Variants in CLSTN2 observed in about 807,000 individuals in gnomAD.
CLSTN2 encodes the protein calsyntenin 2.
CLSTN2 carries 48 observed loss-of-function variants against 101.2 expected under a neutral mutation model. The ratio of observed to expected loss-of-function variants is 0.47; its 90% confidence interval spans 0.38 to 0.60. CLSTN2 has a LOEUF of 0.60. Ranked by LOEUF, CLSTN2 falls within the 20% of genes least tolerant of loss-of-function variation. The pLI, the probability that CLSTN2 is intolerant of heterozygous loss-of-function variation, is 0.00. For synonymous variants in CLSTN2, 481 were observed against 463.6 expected, an observed-to-expected ratio of 1.04 and a Z score of -0.48; for missense variants, 1,160 against 1,238.2, an observed-to-expected ratio of 0.94 and a Z score of 0.95.
intron 2 of CLSTN2, among the ~76,000 whole-genome samples, chr3:140,387,852 TAATTGGGAGATAATG>T (rs2088070246): frequency 5.3e-5 from 8 of 152,250 alleles, no homozygotes; most frequent in Non-Finnish European, 8.8e-5. Context: ...TCCTTCTCCA[TAATTGGGAGATAATG>T]GAATGGTTGA....
At chr3:140,162,410 C>A (rs1196981931) in intron 1 of CLSTN2, among the ~76,000 whole-genome samples, 4 of 152,060 alleles carry the variant, frequency 2.6e-5, no homozygotes, top group African/African-American at 9.7e-5. Context: ...AGGAGAGGGA[C>A]TTAATTTAGT....
rs1036422454 is a variant in CLSTN2 at position 140,548,647 on chromosome 3, G to A, written c.1674+1966G>A. ...AAAGTGTGAGTGATGAGAGAGGGCT[G>A]AGGAATAGCACAGTATTCACTAGAA... On this transcript the variant is annotated intron_variant, in intron 10 of 16. Coordinates refer to ENST00000458420, the MANE Select transcript of CLSTN2 (RefSeq NM_022131.3). 6.6e-5 allele frequency among the ~76,000 whole-genome samples: 10 copies of A among 152,346 alleles called. No individual in the cohort carries two copies. In the East Asian group the frequency reaches 7.7e-4, roughly 12 times the overall value.
intron 8 of CLSTN2, among the ~76,000 whole-genome samples, chr3:140,531,589 G>A (rs1935255631): frequency 6.6e-6 from 1 of 152,104 alleles, no homozygotes; most frequent in African/African-American, 2.4e-5. Flanking sequence ...GGAGCGTGAA[G>A]GAGAGTCCAG....
intron 4 of CLSTN2, among the ~76,000 whole-genome samples, chr3:140,408,744 C>G (rs574203915): frequency 6.6e-6 from 1 of 152,330 alleles, no homozygotes; most frequent in East Asian, 1.9e-4. Flanking sequence ...AGGGAAGCCA[C>G]TACATGTATG....
chr3:140,001,486 T>C (rs548134393), intron 1 of CLSTN2, among the ~76,000 whole-genome samples: 25 of 152,212 alleles, frequency 1.6e-4, no homozygotes, highest in African/African-American at 5.8e-4. Context: ...TAAAAAACTT[T>C]TGTGAGTACA....
At position 140,490,008 on chromosome 3, in the gene CLSTN2, G is replaced by GTATATATATATA. The variant is rs1559884804; in HGVS notation, c.1344+23279_1344+23280insTATATATATATA. 1.2e-3 allele frequency among the ~76,000 whole-genome samples: 4 copies of GTATATATATATA among 3,228 alleles called. 1 individual carries two copies. Among genetic ancestry groups the GTATATATATATA allele is most frequent in the African/African-American group, 4.2e-3 (3 of 714 alleles). The allele number at this position is 3,228 out of a possible 152,430, so 2.1% of individuals were successfully genotyped here. ...TGGCAACAGACAAGAAAAAAAAGAA[G>GTATATATATATA]TACATGTGTGTGTGTGTGTGTGTGT... On this transcript the variant is annotated intron_variant, in intron 8 of 16. Coordinates refer to ENST00000458420, the MANE Select transcript of CLSTN2 (RefSeq NM_022131.3).
In CLSTN2 at chr3:140,308,021, T is replaced by C. The variant is rs550121306; in HGVS notation, c.233-95608T>C. On this transcript the variant is annotated intron_variant, in intron 2 of 16. Transcript: ENST00000458420. ...CAATAATGTAAAGTTGGCTCATGAA[T>C]GTGAAGGATGAACCACAGCACCTCC... is the stretch of plus-strand genomic sequence containing the variant. 5.9e-4 allele frequency among the ~76,000 whole-genome samples: 90 copies of C among 152,320 alleles called. No homozygotes were observed. In the Middle Eastern group the frequency reaches 0.017, roughly 29 times the overall value.
At chr3:140,096,923 C>T (rs1182478401) in intron 1 of CLSTN2, among the ~76,000 whole-genome samples, 2 of 152,110 alleles carry the variant, frequency 1.3e-5, no homozygotes, top group African/African-American at 2.4e-5. Context: ...TTGGTGTAGC[C>T]CGCTGGGTTC....
At chr3:140,451,359 T>G (rs1448440387) in intron 6 of CLSTN2, among the ~76,000 whole-genome samples, 1 of 152,228 alleles carries the variant, frequency 6.6e-6, no homozygotes, top group Non-Finnish European at 1.5e-5. Context: ...CTGCCAACCT[T>G]GCCTTGCAGA....
At chr3:140,014,652 C>A (rs1370448811) in intron 1 of CLSTN2, among the ~76,000 whole-genome samples, 1 of 152,026 alleles carries the variant, frequency 6.6e-6, no homozygotes, top group African/African-American at 2.4e-5. Context: ...GTATAAAGGT[C>A]CACAGTAGGG....
chr3:140,156,661 C>T (rs534541759), intron 1 of CLSTN2, among the ~76,000 whole-genome samples: 51 of 152,294 alleles, frequency 3.3e-4, no homozygotes, highest in Admixed American at 3.3e-4. Flanking sequence ...ACCTTCTCCT[C>T]GAAGAGGTGA....
At chr3:140,294,033 T>C (rs2086980113) in intron 2 of CLSTN2, among the ~76,000 whole-genome samples, 1 of 152,152 alleles carries the variant, frequency 6.6e-6, no homozygotes, top group African/African-American at 2.4e-5. Flanking sequence ...CTCCATTTAC[T>C]CATCTTCCAA....
At position 140,459,535 on chromosome 3, in the gene CLSTN2, ATCAT is replaced by A; in HGVS notation, c.990_993del (p.Ile330MetfsTer24). The A allele has an allele frequency of 1.2e-6, 2 of 1,614,014 alleles. No individual in the cohort carries two copies. Among genetic ancestry groups the A allele is most frequent in the South Asian group, 2.2e-5 (2 of 91,076 alleles). ...ACCCTCTGCAGGAGCCTCCTCTGGC[ATCAT>A]TGACCTCTTGCCATCCCCTAGCGCT... is the stretch of plus-strand genomic sequence containing the variant. On this transcript the variant is annotated frameshift_variant, in exon 7 of 17. Transcript: ENST00000458420. LOFTEE classifies it high-confidence loss of function.
At chr3:140,093,812 C>G (rs2008822245) in intron 1 of CLSTN2, among the ~76,000 whole-genome samples, 1 of 152,136 alleles carries the variant, frequency 6.6e-6, no homozygotes, top group South Asian at 2.1e-4. Context: ...TATGTCAAAC[C>G]TACTATTTCT....
chr3:140,278,879 C>G (rs1234066842), intron 2 of CLSTN2, among the ~76,000 whole-genome samples: 1 of 152,036 alleles, frequency 6.6e-6, no homozygotes, highest in African/African-American at 2.4e-5. Flanking sequence ...GCCACTATGC[C>G]TGGCTAATGG....
intron 4 of CLSTN2, among the ~76,000 whole-genome samples, chr3:140,418,490 G>GTTAT (rs1559863701): frequency 7.8e-6 from 1 of 128,776 alleles, no homozygotes; most frequent in African/African-American, 3.5e-5. Flanking sequence ...GATTATTCTA[G>GTTAT]TTCTTTCTTT....
intron 1 of CLSTN2, among the ~76,000 whole-genome samples, chr3:140,060,764 G>A (rs1415051586): frequency 6.6e-6 from 1 of 152,212 alleles, no homozygotes; most frequent in Non-Finnish European, 1.5e-5. Context: ...CCACAGTGGT[G>A]GGCAACACAG....
intron 1 of CLSTN2, among the ~76,000 whole-genome samples, chr3:140,126,533 C>T (rs10460847): frequency 2.0e-5 from 3 of 151,884 alleles, no homozygotes; most frequent in South Asian, 2.1e-4. Context: ...AAGCTGAGAC[C>T]GAGGCTAGAG....
chr3:140,543,924 C>T (rs2107785493), intron 9 of CLSTN2, among the ~76,000 whole-genome samples: 1 of 152,296 alleles, frequency 6.6e-6, no homozygotes, highest in African/African-American at 2.4e-5. Flanking sequence ...CAATCAATCA[C>T]AGGTGCAATA....
Sources: allele counts gnomAD v4.1 joint callset (sites outside exome capture counted in the v4.1 genomes callset), GRCh38; gene constraint gnomAD v4.1.1; transcripts MANE v1.5; gene names NCBI Gene and HGNC (gene_info 2026-07-23, HGNC 2026-07-21).